Variants in LTBP4 observed in about 807,000 individuals in gnomAD.
LTBP4 encodes the protein latent transforming growth factor beta binding protein 4, also known as latent-transforming growth factor beta-binding protein 4.
A neutral mutation model predicts 180.2 loss-of-function variants in LTBP4; 93 were observed. That is an observed-to-expected ratio of 0.52 (90% CI 0.44 to 0.61). LTBP4 has a LOEUF of 0.61. Ranked by LOEUF, LTBP4 falls within the 20% of genes least tolerant of loss-of-function variation. The probability of loss-of-function intolerance (pLI) is 0.00; values close to 1 mark genes in which losing one functional copy is unlikely to be tolerated. For missense variants in LTBP4, 2,116 were observed against 2,256.5 expected (o/e 0.94, Z 1.26); for synonymous variants, 947 against 934.5 (o/e 1.01, Z -0.24).
In LTBP4 at chr19:40,614,396, T is replaced by C; in HGVS notation, c.2762T>C (p.Val921Ala). 2 of 1,600,212 alleles carry C rather than the reference T, an allele frequency of 1.2e-6. No individual in the cohort carries two copies. Among genetic ancestry groups the C allele is most frequent in the East Asian group, 2.2e-5 (1 of 44,852 alleles). ...AACTCTCCCGGCTCCTACCGCTGTG[T>C]CCGGGACTGCGATCCTGGGTACCAC... ...CENSPGSYRC[V>A]RDCDPGYHAG... The change falls in exon 19 of 30, where the codon GTC (valine) becomes GCC (alanine). Residue 921 changes from valine (V) to alanine (A), a missense_variant. By Grantham distance (64) the Val-to-Ala change is moderately conservative. Transcript: ENST00000396819.
At chr19:40,614,107 C>G in intron 18 of LTBP4, 69 bp downstream of exon 18, 2 of 1,589,696 alleles carry the variant, frequency 1.3e-6, no homozygotes, top group Non-Finnish European at 1.7e-6. Flanking sequence ...GGCCTCCCAC[C>G]TCTGTCTTTC....
At chr19:40,596,672 AC>A (rs540567941), upstream of LTBP4, among the ~76,000 whole-genome samples, 396 of 151,986 alleles carry the variant, frequency 2.6e-3, 5 homozygotes, top group African/African-American at 9.0e-3. Flanking sequence ...TGAACTTGGG[AC>A]CCTCAGAGGG....
At chr19:40,603,394 T>TA (rs1288130009) in intron 1 of LTBP4, among the ~76,000 whole-genome samples, 2 of 152,172 alleles carry the variant, frequency 1.3e-5, no homozygotes, top group Admixed American at 6.5e-5. Flanking sequence ...TTGAGCCTCT[T>TA]AAGTGCTGAT....
At chr19:40,602,750 G>T (rs1473371883) in intron 1 of LTBP4, among the ~76,000 whole-genome samples, 2 of 152,188 alleles carry the variant, frequency 1.3e-5, no homozygotes, top group East Asian at 3.9e-4. Flanking sequence ...CAGGGCTGTG[G>T]GGCATGACGT....
At chr19:40,623,897 A>G (rs953783669) in intron 25 of LTBP4, 39 bp from the exon 26 acceptor site, 2 of 1,610,174 alleles carry the variant, frequency 1.2e-6, no homozygotes, top group Non-Finnish European at 1.7e-6. Flanking sequence ...AAGGGTGGGG[A>G]GAGTTGAAGG....
At chr19:40,600,162 G>A (rs2081413951), upstream of LTBP4, 2 of 1,255,060 alleles carry the variant, frequency 1.6e-6, no homozygotes, top group South Asian at 7.6e-5. The surrounding 1 kb of genome is among the most constrained non-coding windows in gnomAD (Gnocchi z 4.4). Flanking sequence ...GCGTGCCCCC[G>A]CTGGCAAGGC....
rs1286677910 is a variant in LTBP4 at position 40,622,449 on chromosome 19, C to T, written c.3266C>T (p.Pro1089Leu). 6.3e-7 allele frequency: 1 copy of T among 1,595,986 alleles called. No individual in the cohort carries two copies. Among genetic ancestry groups the T allele is most frequent in the Non-Finnish European group, 8.5e-7 (1 of 1,169,842 alleles). Reference sequence around the variant, plus strand: ...CAGGCACCTGCTAGCCCCGTTCTGCCCGCCAGGCCACCTCCGCCACCCCTG... The same window carrying T: ...CAGGCACCTGCTAGCCCCGTTCTGCTCGCCAGGCCACCTCCGCCACCCCTG... Reference protein sequence around the residue: ...QPQAPASPVLPARPPPPPLPR... With the variant: ...QPQAPASPVLLARPPPPPLPR... Residue 1089 changes from proline (P) to leucine (L), a missense_variant, in exon 23 of 30, where the codon CCC becomes CTC. Coordinates refer to ENST00000396819, the MANE Select transcript of LTBP4 (RefSeq NM_001042545.2). This position sits in a 1 kb window ranked among gnomAD's most constrained non-coding sequence, Gnocchi z 5.1.
chr19:40,629,216 CTG>C lies in LTBP4; in HGVS notation c.4520-179_4520-178del. The C allele has an allele frequency of 1.5e-6, 1 of 668,524 alleles. No individual in the cohort carries two copies. The highest frequency in any genetic ancestry group is 2.6e-5 in the Admixed American group (1 of 37,994). The allele number at this position is 668,524 out of a possible 1,614,324, so 41.4% of individuals were successfully genotyped here. ...CATATCCATCTTACAGAACACGAAA[CTG>C]AAGCACAGTGAGGTTAAGCCACCTG... On this transcript the variant is annotated intron_variant, in intron 29 of 29. Coordinates refer to ENST00000396819, the MANE Select transcript of LTBP4 (RefSeq NM_001042545.2). The surrounding 1 kb of genome is among the most constrained non-coding windows in gnomAD (Gnocchi z 4.5).
At chr19:40,612,969 G>A in intron 15 of LTBP4, 96 bp from the exon 16 acceptor site, 1 of 1,321,226 alleles carries the variant, frequency 7.6e-7, no homozygotes, top group Non-Finnish European at 1.1e-6. Flanking sequence ...CAACTCATGA[G>A]ACTTCCCACC....
rs62107914 is a variant in LTBP4, at chr19:40,622,158, C to G, written c.3218-243C>G. ...GAAGTTCCCTCACCACCCACCCAAG[C>G]TGTTAGCTGCAGTGACGGGAAAGTG... On this transcript the variant is annotated intron_variant, in intron 22 of 29. Coordinates refer to ENST00000396819, the MANE Select transcript of LTBP4 (RefSeq NM_001042545.2). This position sits in a 1 kb window ranked among gnomAD's most constrained non-coding sequence, Gnocchi z 5.1. 2.6e-4 allele frequency among the ~76,000 whole-genome samples: 39 copies of G among 152,276 alleles called. No individual in the cohort carries two copies. Among genetic ancestry groups the G allele is most frequent in the Admixed American group, 3.9e-4 (6 of 15,284 alleles).
At chr19:40,603,040 T>G (rs1269588225) in intron 1 of LTBP4, among the ~76,000 whole-genome samples, 1 of 152,086 alleles carries the variant, frequency 6.6e-6, no homozygotes. Context: ...GAGCTGAGTT[T>G]TTGCTCCAGG....
chr19:40,599,368 A>G, upstream of LTBP4: 2 of 1,609,990 alleles, frequency 1.2e-6, no homozygotes, highest in Non-Finnish European at 1.7e-6. Flanking sequence ...TGCATTTGGT[A>G]GAGAAGTACT....
intron 9 of LTBP4, 150 bp downstream of exon 9, chr19:40,608,753 C>T: frequency 1.2e-6 from 1 of 841,180 alleles, no homozygotes; most frequent in South Asian, 1.8e-5. Context: ...TCTACTAAAA[C>T]TACAAAAATT....
At position 40,627,108 on chromosome 19, in the gene LTBP4, G is replaced by C. The variant is rs2081639841; in HGVS notation, c.4119G>C (p.Glu1373Asp). The change falls in exon 28 of 30, where the codon GAG becomes GAC. Residue 1373 changes from glutamate (E) to aspartate (D), a missense_variant. Glu to Asp is a conservative substitution (Grantham distance 45). Transcript: ENST00000396819. ...ACCAGGGCCTCCCATATGGGCCTGAGTTGTACCCACCACCTGCGCTACCCT... is the reference window on the plus strand; with the variant it reads ...ACCAGGGCCTCCCATATGGGCCTGACTTGTACCCACCACCTGCGCTACCCT... ...PPYQGLPYGPELYPPPALPYD... is the reference protein window; with the variant it reads ...PPYQGLPYGPDLYPPPALPYD... 6.2e-7 allele frequency: 1 copy of C among 1,613,972 alleles called. No individual in the cohort carries two copies. The highest frequency in any genetic ancestry group is 8.5e-7 in the Non-Finnish European group (1 of 1,179,852).
At chr19:40,604,776 G>A (rs1000815406) in intron 1 of LTBP4, among the ~76,000 whole-genome samples, 1 of 152,146 alleles carries the variant, frequency 6.6e-6, no homozygotes, top group Non-Finnish European at 1.5e-5. Flanking sequence ...TTAGGAGGTC[G>A]AGGCTGCAGA....
intron 1 of LTBP4, among the ~76,000 whole-genome samples, chr19:40,603,418 T>G (rs1165511563): frequency 6.6e-6 from 1 of 152,136 alleles, no homozygotes; most frequent in Non-Finnish European, 1.5e-5. Context: ...TTCCAGGAAT[T>G]CCACTTCACT....
intron 18 of LTBP4, 30 bp downstream of exon 18, chr19:40,614,068 C>A (rs2081529114): frequency 1.2e-6 from 2 of 1,608,862 alleles, no homozygotes; most frequent in Non-Finnish European, 8.5e-7. Context: ...CCTGATCCCT[C>A]CTCCCTTCGA....
chr19:40,598,922 G>T (rs1294991336), upstream of LTBP4, among the ~76,000 whole-genome samples: 3 of 152,166 alleles, frequency 2.0e-5, no homozygotes, highest in Non-Finnish European at 4.4e-5. Context: ...CTTTTAAAAG[G>T]CTTTAAAATA....
rs1360172494 is a variant in LTBP4 at position 40,605,870 on chromosome 19, G to A, written c.793+39G>A. ...CGTCCCCGAAGTGCTCGGAGCTGGG[G>A]AGTGGTGACAACCTCACCGTTCCTC... On this transcript the variant is annotated intron_variant, in intron 4 of 29. Transcript: ENST00000396819. The surrounding 1 kb of genome is among the most constrained non-coding windows in gnomAD (Gnocchi z 5.5). The A allele has an allele frequency of 6.6e-7, 1 of 1,526,592 alleles. No homozygotes were observed. 94.6% of individuals were successfully genotyped at this position (1,526,592 alleles called of 1,614,324 possible).
Sources: allele counts gnomAD v4.1 joint callset (sites outside exome capture counted in the v4.1 genomes callset), GRCh38; gene constraint gnomAD v4.1.1; non-coding constraint Gnocchi (gnomAD v3.1); transcripts MANE v1.5; gene names NCBI Gene and HGNC (gene_info 2026-07-23, HGNC 2026-07-21).